Variants in CNGB3 observed in about 807,000 individuals in gnomAD.
The protein encoded by CNGB3 is cyclic nucleotide-gated channel beta-3.
Under a neutral mutation model 92.8 loss-of-function variants are expected in CNGB3, and 86 were observed. The ratio of observed to expected loss-of-function variants is 0.93; its 90% CI spans 0.78 to 1.11. CNGB3 has a LOEUF of 1.11. Ranked by LOEUF, CNGB3 falls within the 50% of genes least tolerant of loss-of-function variation. The pLI is 0.00. For synonymous variants in CNGB3, 333 were observed against 332.7 expected (o/e 1.00, Z -0.01); for missense variants, 1,026 against 956.8 (o/e 1.07, Z -0.95).
chr8:86,684,903 T>TG (rs1460480607), intron 3 of CNGB3, among the ~76,000 whole-genome samples: 1 of 151,952 alleles, frequency 6.6e-6, no homozygotes, highest in Non-Finnish European at 1.5e-5. Context: ...TTGACTGTGG[T>TG]GGGGGGATAC....
chr8:86,715,163 C>T (rs1001270824), intron 3 of CNGB3, among the ~76,000 whole-genome samples: 5 of 152,126 alleles, frequency 3.3e-5, no homozygotes, highest in African/African-American at 1.2e-4. Flanking sequence ...GGCAAGTTTA[C>T]ATCCTCCCTA....
rs550970935 is a variant in CNGB3 at position 86,579,732 on chromosome 8, A to G, written c.1782-480T>C. The stretch of plus-strand genomic sequence containing the variant: ...GATCAGAGCATTTATCTCCCCTGTT[A>G]TTTTCCTGCCAAGCCTTAGGTTAGC... On this transcript the variant is annotated intron_variant, in intron 15 of 17. Transcript: ENST00000320005. Among the ~76,000 whole-genome samples, 18 of 152,148 alleles carry G rather than the reference A, an allele frequency of 1.2e-4. No homozygotes were observed. The South Asian group carries it at 3.5e-3, about 30-fold the overall frequency.
intron 15 of CNGB3, among the ~76,000 whole-genome samples, chr8:86,592,714 T>TAA (rs1822072371): frequency 6.6e-6 from 1 of 152,232 alleles, no homozygotes. Context: ...TATATATATA[T>TAA]AACTCTACAT....
At chr8:86,691,068 T>C (rs964367779) in intron 3 of CNGB3, among the ~76,000 whole-genome samples, 3 of 152,218 alleles carry the variant, frequency 2.0e-5, no homozygotes, top group Non-Finnish European at 1.5e-5. Flanking sequence ...ATATGAACTT[T>C]AAAGTAGTTT....
In CNGB3 at chr8:86,575,684, G is replaced by A. The variant is rs1385799125; in HGVS notation, c.*120C>T. 1.3e-6 allele frequency: 1 copy of A among 775,056 alleles called. No homozygotes were observed. The highest frequency in any genetic ancestry group is 2.1e-6 in the Non-Finnish European group (1 of 472,662). The allele number at this position is 775,056 out of a possible 1,614,324, so 48.0% of individuals were successfully genotyped here. On this transcript the variant is annotated 3_prime_UTR_variant, in exon 18 of 18. Transcript: ENST00000320005. ...GATAAGTCCTAGAAACTAAGCTAGG[G>A]ATTTGCCTTTCGTTTCTCAAGGGTC...
chr8:86,684,310 T>C (rs1310223384), intron 3 of CNGB3, among the ~76,000 whole-genome samples: 2 of 152,236 alleles, frequency 1.3e-5, no homozygotes, highest in East Asian at 1.9e-4. Flanking sequence ...ACTACACATC[T>C]ATCAGAATGG....
chr8:86,589,910 C>T (rs558787189), intron 15 of CNGB3, among the ~76,000 whole-genome samples: 12 of 151,662 alleles, frequency 7.9e-5, no homozygotes, highest in South Asian at 2.1e-4. Flanking sequence ...CTTTCTGTCT[C>T]GTTGATCTGT....
At chr8:86,659,603 T>A in intron 6 of CNGB3, 1 of 544,862 alleles carries the variant, frequency 1.8e-6, no homozygotes, top group East Asian at 4.4e-5. Context: ...GAGAGCCCAC[T>A]CCAACTCTCC....
chr8:86,579,577 C>A (rs575312808), intron 15 of CNGB3, among the ~76,000 whole-genome samples: 2 of 151,864 alleles, frequency 1.3e-5, no homozygotes, highest in South Asian at 4.1e-4. Flanking sequence ...TCCTTCAGAT[C>A]CACTTTTCAC....
At chr8:86,595,088 T>G (rs1285941463) in intron 15 of CNGB3, among the ~76,000 whole-genome samples, 3 of 152,220 alleles carry the variant, frequency 2.0e-5, no homozygotes, top group Non-Finnish European at 4.4e-5. Flanking sequence ...TTAAGTGAAT[T>G]GTTCAAGAAC....
intron 2 of CNGB3, among the ~76,000 whole-genome samples, chr8:86,731,332 A>G (rs1220580514): frequency 1.3e-5 from 2 of 152,184 alleles, no homozygotes; most frequent in African/African-American, 4.8e-5. Flanking sequence ...GGATCTTTGC[A>G]TGGGGTCAAA....
chr8:86,578,155 C>A (rs550101250), intron 17 of CNGB3, among the ~76,000 whole-genome samples: 1 of 152,094 alleles, frequency 6.6e-6, no homozygotes, highest in African/African-American at 2.4e-5. Flanking sequence ...GTGATCCGCC[C>A]GCCTTGGTCT....
At chr8:86,632,024 A>C in intron 11 of CNGB3, among the ~76,000 whole-genome samples, 1 of 151,824 alleles carries the variant, frequency 6.6e-6, no homozygotes, top group East Asian at 1.9e-4. Context: ...CATTCAGGCC[A>C]CTATCCACCT....
At chr8:86,733,898 C>A (rs1160063353) in intron 2 of CNGB3, among the ~76,000 whole-genome samples, 1 of 152,116 alleles carries the variant, frequency 6.6e-6, no homozygotes, top group East Asian at 1.9e-4. Context: ...GACAGGGTTT[C>A]TTTCAGTCAT....
intron 8 of CNGB3, among the ~76,000 whole-genome samples, chr8:86,646,966 C>G (rs1823301635): frequency 6.6e-6 from 1 of 151,132 alleles, no homozygotes; most frequent in Non-Finnish European, 1.5e-5. Flanking sequence ...TCCTGATTTT[C>G]CTTCCTGCTT....
intron 14 of CNGB3, among the ~76,000 whole-genome samples, chr8:86,610,050 C>T (rs765686749): frequency 9.2e-5 from 14 of 152,152 alleles, no homozygotes; most frequent in Admixed American, 9.2e-4. Flanking sequence ...TATAGCTTGT[C>T]TCTCGCATGA....
At chr8:86,595,716 A>C (rs1352238144) in intron 15 of CNGB3, among the ~76,000 whole-genome samples, 1 of 152,170 alleles carries the variant, frequency 6.6e-6, no homozygotes, top group East Asian at 1.9e-4. Context: ...GGAATAACTG[A>C]GTTATTCTGA....
intron 14 of CNGB3, among the ~76,000 whole-genome samples, chr8:86,606,028 C>T (rs937165359): frequency 2.6e-5 from 4 of 152,158 alleles, no homozygotes; most frequent in African/African-American, 9.6e-5. Context: ...AGTTATATGA[C>T]TCGGTAATTA....
intron 8 of CNGB3, among the ~76,000 whole-genome samples, chr8:86,647,478 G>GA (rs551288655): frequency 1.0e-3 from 153 of 149,724 alleles, no homozygotes; most frequent in African/African-American, 3.6e-3. Context: ...AGGACAAATA[G>GA]AAAAAAACAA....
Sources: allele counts gnomAD v4.1 joint callset (sites outside exome capture counted in the v4.1 genomes callset), GRCh38; gene constraint gnomAD v4.1.1; transcripts MANE v1.5; gene names NCBI Gene and HGNC (gene_info 2026-07-23, HGNC 2026-07-21).